Variants in TTI1 observed in about 807,000 individuals in gnomAD.
TTI1 encodes the protein TELO2-interacting protein 1 homolog.
TTI1 carries 52 observed loss-of-function variants against 85.4 expected under a neutral mutation model. That is an observed-to-expected ratio of 0.61 (90% CI 0.49 to 0.77). The LOEUF (loss-of-function observed/expected upper bound fraction) is 0.77. Ranked by LOEUF, TTI1 falls within the 30% of genes least tolerant of loss-of-function variation. The pLI is 0.00. For missense variants in TTI1, 1,173 were observed against 1,296.0 expected, an observed-to-expected ratio of 0.91 and a Z score of 1.46; for synonymous variants, 512 against 503.9, an observed-to-expected ratio of 1.02 and a Z score of -0.22.
At chr20:38,016,813 C>A (rs2073689333) in intron 1 of TTI1, among the ~76,000 whole-genome samples, 1 of 152,202 alleles carries the variant, frequency 6.6e-6, no homozygotes, top group Admixed American at 6.5e-5. Flanking sequence ...AATCTGATCG[C>A]AATTCTCTAG....
chr20:37,999,212 G>T lies in TTI1; in HGVS notation c.2769C>A (p.Pro923=). Residue 923 remains proline, a synonymous_variant, in exon 5 of 8, where the codon CCC becomes CCA. Coordinates refer to ENST00000373447, the MANE Select transcript of TTI1 (RefSeq NM_001303457.2). ...SLVHRLTRDA[P]LAVLRAFKVL... is the part of the protein sequence containing the mutation. ...CCTTGAAGGCTCTAAGCACTGCCAG[G>T]GGGGCGTCCCGTGTGAGTCGGTGAA... 1.3e-6 allele frequency: 2 copies of T among 1,489,862 alleles called. No homozygotes were observed. Among genetic ancestry groups the T allele is most frequent in the South Asian group, 1.4e-5 (1 of 71,600 alleles). 92.3% of individuals were successfully genotyped at this position (1,489,862 alleles called of 1,614,324 possible).
In TTI1 at chr20:38,012,143, T is replaced by A. The variant is rs1281146435; in HGVS notation, c.1674A>T (p.Thr558=). The A allele has an allele frequency of 6.2e-7, 1 of 1,614,232 alleles. No individual in the cohort carries two copies. Among genetic ancestry groups the A allele is most frequent in the East Asian group, 2.2e-5 (1 of 44,880 alleles). ...GACTTGTGTATTCTTCAAGTATAGA[T>A]GTCACAATCTCTCTCAGTTCTTCTG... ...TNPEELREIV[T]SILEEYTSQE... The change falls in exon 2 of 8, where the codon ACA becomes ACT. Residue 558 remains threonine, a synonymous_variant. Coordinates refer to ENST00000373447, the MANE Select transcript of TTI1 (RefSeq NM_001303457.2).
At chr20:38,006,744 C>G (rs894576335) in intron 2 of TTI1, among the ~76,000 whole-genome samples, 1 of 152,252 alleles carries the variant, frequency 6.6e-6, no homozygotes, top group Non-Finnish European at 1.5e-5. Context: ...AGGTCACTTA[C>G]ATGATGTCTT....
chr20:37,999,835 C>T (rs1238115851), intron 4 of TTI1, among the ~76,000 whole-genome samples: 2 of 152,132 alleles, frequency 1.3e-5, no homozygotes, highest in Non-Finnish European at 2.9e-5. Context: ...AGAGGTAAAA[C>T]GGGGCCCAAC....
chr20:37,997,133 T>C (rs930313938), intron 5 of TTI1, among the ~76,000 whole-genome samples, 180 bp from the exon 6 acceptor site: 10 of 152,022 alleles, frequency 6.6e-5, no homozygotes, highest in African/African-American at 2.4e-4. Flanking sequence ...TGGAGGTCTC[T>C]GCTCCCAAGG....
chr20:38,013,483 G>C lies in TTI1; in HGVS notation c.334C>G (p.Pro112Ala). 1 of 1,614,050 alleles carries C rather than the reference G, an allele frequency of 6.2e-7. No homozygotes were observed. The change falls in exon 2 of 8, where the codon CCT (proline) becomes GCT (alanine). Residue 112 changes from proline to alanine, a missense_variant. Pro to Ala is a conservative substitution (Grantham distance 27). Coordinates refer to ENST00000373447, the MANE Select transcript of TTI1 (RefSeq NM_001303457.2). ...ACLYSPSSQKPAAVSEELKLA... is the reference protein window; with the variant it reads ...ACLYSPSSQKAAAVSEELKLA... Reference sequence around the variant, plus strand: ...TTCAACTCCTCGGACACAGCCGCAGGTTTTTGGGAGCTGGGTGAATACAGA... The same window carrying C: ...TTCAACTCCTCGGACACAGCCGCAGCTTTTTGGGAGCTGGGTGAATACAGA...
At chr20:37,984,685 CAAGT>C (rs1265803563) in intron 7 of TTI1, among the ~76,000 whole-genome samples, 2 of 152,204 alleles carry the variant, frequency 1.3e-5, no homozygotes, top group Non-Finnish European at 2.9e-5. Flanking sequence ...CCACTGTGCC[CAAGT>C]AAGGCTGCCC....
intron 3 of TTI1, 21 bp from the exon 4 acceptor site, chr20:38,002,797 G>T: frequency 6.2e-7 from 1 of 1,612,116 alleles, no homozygotes; most frequent in Non-Finnish European, 8.5e-7. Flanking sequence ...AGCACAACTG[G>T]GGGCAGTGTT....
intron 3 of TTI1, 147 bp downstream of exon 3, chr20:38,006,050 A>G (rs1431519322): frequency 5.5e-6 from 5 of 911,150 alleles, no homozygotes; most frequent in African/African-American, 5.0e-5. Context: ...GAAAAAGATT[A>G]CACAAAACAG....
At chr20:38,004,417 C>T (rs529128059) in intron 3 of TTI1, among the ~76,000 whole-genome samples, 1 of 152,344 alleles carries the variant, frequency 6.6e-6, no homozygotes, top group African/African-American at 2.4e-5. Context: ...ACAGTAGAGG[C>T]TGCACCTGTC....
At chr20:38,014,233 G>A (rs765960439) in intron 1 of TTI1, among the ~76,000 whole-genome samples, 14 of 152,076 alleles carry the variant, frequency 9.2e-5, no homozygotes, top group Non-Finnish European at 1.9e-4. Context: ...AAACCTTCAG[G>A]TTTCATCTTT....
chr20:38,012,422 T>C lies in TTI1; in HGVS notation c.1395A>G (p.Thr465=), dbSNP rs1311146828. ...TCCTCTGGATGCGGTTCCAAGGCTGTGTGGCTGAGGTCTTTGGAGAAGCAT... is the reference window on the plus strand; with the variant it reads ...TCCTCTGGATGCGGTTCCAAGGCTGCGTGGCTGAGGTCTTTGGAGAAGCAT... ...DLNASPKTSA[T]QPWNRIQRRY... is the part of the protein sequence containing the mutation. The change falls in exon 2 of 8, where the codon ACA becomes ACG. Residue 465 remains threonine, a synonymous_variant. Coordinates refer to ENST00000373447, the MANE Select transcript of TTI1 (RefSeq NM_001303457.2). 8.1e-6 allele frequency: 13 copies of C among 1,614,136 alleles called. No homozygotes were observed. The highest frequency in any genetic ancestry group is 1.1e-5 in the Non-Finnish European group (13 of 1,180,058).
chr20:38,013,099 A>C lies in TTI1; in HGVS notation c.718T>G (p.Tyr240Asp), dbSNP rs899746505. ...SIVVSSLKIFYKTVSFIMADE... is the reference protein window; with the variant it reads ...SIVVSSLKIFDKTVSFIMADE... The stretch of plus-strand genomic sequence containing the variant: ...GCCATAATGAAGCTCACTGTCTTGT[A>C]AAAGATCTTTAGGGAAGATACGACA... The change falls in exon 2 of 8, where the codon TAC becomes GAC. Residue 240 changes from tyrosine (Y) to aspartate (D), a missense_variant. Tyr to Asp is a radical substitution (Grantham distance 160, BLOSUM62 -3). Coordinates refer to ENST00000373447, the MANE Select transcript of TTI1 (RefSeq NM_001303457.2). 3.1e-6 allele frequency: 5 copies of C among 1,614,180 alleles called. 1 individual carries two copies. Among genetic ancestry groups the C allele is most frequent in the South Asian group, 2.2e-5 (2 of 91,086 alleles).
rs2073498587 is a variant in TTI1 at position 38,006,329 on chromosome 20, G to A, written c.2371C>T (p.His791Tyr). The change falls in exon 3 of 8, where the codon CAT (histidine) becomes TAT (tyrosine). Residue 791 changes from histidine (H) to tyrosine (Y), a missense_variant. By Grantham distance (83) the His-to-Tyr change is moderately conservative. Transcript: ENST00000373447. ...QEQSLGEEGSHLNQRPAALEK... is the reference protein window; with the variant it reads ...QEQSLGEEGSYLNQRPAALEK... Reference sequence around the variant, plus strand: ...AGAGCTGCTGGTCTTTGGTTCAAATGACTTCCCTCTTCTCCTAAACTTTGC... The same window carrying A: ...AGAGCTGCTGGTCTTTGGTTCAAATAACTTCCCTCTTCTCCTAAACTTTGC... 1 of 1,614,174 alleles carries A rather than the reference G, an allele frequency of 6.2e-7. No individual in the cohort carries two copies. The highest frequency in any genetic ancestry group is 1.3e-5 in the African/African-American group (1 of 75,046).
chr20:38,012,809 T>G lies in TTI1; in HGVS notation c.1008A>C (p.Leu336Phe), dbSNP rs773166251. 2.7e-5 allele frequency: 44 copies of G among 1,614,170 alleles called. No individual in the cohort carries two copies. Among genetic ancestry groups the G allele is most frequent in the Non-Finnish European group, 3.6e-5 (43 of 1,180,026 alleles). ...VECAGPLLKA[L>F]VGLVNDESPE... ...GACTCTCATCATTTACTAGTCCCAC[T>G]AAGGCCTTCAGAAGGGGACCAGCAC... Residue 336 changes from leucine to phenylalanine, a missense_variant, in exon 2 of 8, where the codon TTA (leucine) becomes TTC (phenylalanine). Physicochemically the swap from Leu to Phe is conservative, Grantham distance 22. Transcript: ENST00000373447.
intron 1 of TTI1, among the ~76,000 whole-genome samples, chr20:38,027,379 A>G (rs956433076): frequency 9.9e-5 from 15 of 152,100 alleles, no homozygotes; most frequent in African/African-American, 3.4e-4. Flanking sequence ...TTGTATTGTT[A>G]TCTTTTACTT....
At chr20:38,025,575 A>G (rs1038887798) in intron 1 of TTI1, among the ~76,000 whole-genome samples, 1 of 152,170 alleles carries the variant, frequency 6.6e-6, no homozygotes, top group South Asian at 2.1e-4. Context: ...ATCTCAAAAA[A>G]AAAAAGAAAA....
At chr20:37,993,427 T>C in intron 7 of TTI1, among the ~76,000 whole-genome samples, 1 of 152,108 alleles carries the variant, frequency 6.6e-6, no homozygotes, top group South Asian at 2.1e-4. Flanking sequence ...AAGCAAACAC[T>C]GGTTTGGTCA....
At chr20:37,991,830 C>T (rs1203410669) in intron 7 of TTI1, among the ~76,000 whole-genome samples, 1 of 152,212 alleles carries the variant, frequency 6.6e-6, no homozygotes, top group Non-Finnish European at 1.5e-5. Context: ...CCTCTAATTC[C>T]AGTCCCTAGA....
Sources: allele counts gnomAD v4.1 joint callset (sites outside exome capture counted in the v4.1 genomes callset), GRCh38; gene constraint gnomAD v4.1.1; transcripts MANE v1.5; gene names NCBI Gene and HGNC (gene_info 2026-07-23, HGNC 2026-07-21).